The following ENTREP2 variants were observed in gnomAD, a reference collection of about 807,000 sequenced individuals.
ENTREP2 encodes the protein endosomal transmembrane epsin interactor 2, also known as protein ENTREP2.
the ENTREP2 span, among the ~76,000 whole-genome samples, chr15:29,270,436 G>C: frequency 6.6e-6 from 1 of 152,116 alleles, no homozygotes; most frequent in Non-Finnish European, 1.5e-5. Flanking sequence ...AAACGTGTCA[G>C]TATTAGGTAA....
At chr15:29,373,163 GAAAAATAAAAAGA>G in the ENTREP2 span, among the ~76,000 whole-genome samples, 4 of 151,086 alleles carry the variant, frequency 2.6e-5, no homozygotes, top group African/African-American at 9.7e-5. Context: ...ATGATCTTAA[GAAAAATAAAAAGA>G]AAAAATAAAA....
the ENTREP2 span, among the ~76,000 whole-genome samples, chr15:29,394,271 G>A: frequency 5.3e-5 from 8 of 152,032 alleles, no homozygotes; most frequent in African/African-American, 1.9e-4. Context: ...ATTCTTTGAA[G>A]GTTGACAAAA....
the ENTREP2 span, among the ~76,000 whole-genome samples, chr15:29,380,622 CAT>C: frequency 6.6e-6 from 1 of 152,014 alleles, no homozygotes; most frequent in African/African-American, 2.4e-5. Flanking sequence ...AGGGAAAAAC[CAT>C]TAACCTCTCT....
chr15:29,552,804 A>G, the ENTREP2 span, among the ~76,000 whole-genome samples: 1 of 152,210 alleles, frequency 6.6e-6, no homozygotes, highest in African/African-American at 2.4e-5. Context: ...GCAGAATTTT[A>G]AAGTACCTTT....
At chr15:29,657,483 C>CGGGGGG in the ENTREP2 span, among the ~76,000 whole-genome samples, 61 of 69,342 alleles carry the variant, frequency 8.8e-4, no homozygotes, top group African/African-American at 1.8e-3. Flanking sequence ...GCTGGGGGGG[C>CGGGGGG]GGGGGGGGGG....
chr15:29,547,291 T>C, the ENTREP2 span, among the ~76,000 whole-genome samples: 1 of 151,856 alleles, frequency 6.6e-6, no homozygotes, highest in Non-Finnish European at 1.5e-5. Context: ...GGTTTCACCA[T>C]ATTGGCCAGG....
the ENTREP2 span, among the ~76,000 whole-genome samples, chr15:29,355,555 A>G: frequency 5.9e-5 from 9 of 152,046 alleles, no homozygotes; most frequent in African/African-American, 2.2e-4. Flanking sequence ...GATTTAAATG[A>G]TTAATAATGC....
chr15:29,139,750 C>A, the ENTREP2 span, among the ~76,000 whole-genome samples: 1 of 152,194 alleles, frequency 6.6e-6, no homozygotes, highest in Non-Finnish European at 1.5e-5. Flanking sequence ...CTTCCTGGAC[C>A]CTTTTCCCAG....
the ENTREP2 span, among the ~76,000 whole-genome samples, chr15:29,619,687 G>A: frequency 3.9e-5 from 6 of 152,040 alleles, no homozygotes; most frequent in Non-Finnish European, 5.9e-5. Flanking sequence ...AGAAGAGGTC[G>A]GTGCTCTTGG....
At chr15:29,507,435 C>T in the ENTREP2 span, among the ~76,000 whole-genome samples, 77 of 152,274 alleles carry the variant, frequency 5.1e-4, no homozygotes, top group Middle Eastern at 3.4e-3. Context: ...ACTCTCCACC[C>T]CAAATCAACA....
chr15:29,453,716 C>CT, the ENTREP2 span, among the ~76,000 whole-genome samples: 4 of 151,820 alleles, frequency 2.6e-5, no homozygotes, highest in East Asian at 1.9e-4. Flanking sequence ...TCCAATCAGA[C>CT]TTTTTTTTTG....
At chr15:29,368,233 G>A in the ENTREP2 span, among the ~76,000 whole-genome samples, 12 of 151,834 alleles carry the variant, frequency 7.9e-5, no homozygotes, top group Admixed American at 5.2e-4. Context: ...GCTGAGGCAC[G>A]AGAACTGTTT....
chr15:29,491,442 G>C, the ENTREP2 span, among the ~76,000 whole-genome samples: 1 of 152,206 alleles, frequency 6.6e-6, no homozygotes. Context: ...ATCTAGACTT[G>C]TTGAGTGTGA....
At chr15:29,229,206 G>GTC in the ENTREP2 span, among the ~76,000 whole-genome samples, 2 of 152,108 alleles carry the variant, frequency 1.3e-5, no homozygotes, top group South Asian at 4.2e-4. Flanking sequence ...ATAATCATTA[G>GTC]AGATATATTC....
the ENTREP2 span, among the ~76,000 whole-genome samples, chr15:29,156,767 G>A: frequency 6.6e-6 from 1 of 152,190 alleles, no homozygotes. Flanking sequence ...ATTCTGGTGA[G>A]TGGAAACATG....
At chr15:29,136,399 G>T in the ENTREP2 span, 4 of 1,530,226 alleles carry the variant, frequency 2.6e-6, no homozygotes, top group South Asian at 1.2e-5. Context: ...CCACCGCCTC[G>T]TACGGAGGGG....
the ENTREP2 span, chr15:29,613,418 C>T: frequency 2.2e-6 from 1 of 462,016 alleles, no homozygotes; most frequent in Non-Finnish European, 4.4e-6. Flanking sequence ...GCCTTCAGGG[C>T]TTCCAGCTGA....
the ENTREP2 span, chr15:29,151,616 T>C: frequency 5.4e-6 from 4 of 745,320 alleles, no homozygotes; most frequent in Non-Finnish European, 9.1e-6. Context: ...CAAGGTGGCC[T>C]CCAGGTGCCA....
At chr15:29,444,126 A>C in the ENTREP2 span, among the ~76,000 whole-genome samples, 1,559 of 118,976 alleles carry the variant, frequency 0.013, 61 homozygotes, top group Non-Finnish European at 0.02. Context: ...GACAGACAGA[A>C]AGAAAGACAG....
Sources: allele counts gnomAD v4.1 joint callset (sites outside exome capture counted in the v4.1 genomes callset), GRCh38; gene constraint gnomAD v4.1.1; transcripts MANE v1.5; gene names NCBI Gene and HGNC (gene_info 2026-07-23, HGNC 2026-07-21).